CPAP: variants seen among roughly 807,000 people sequenced by gnomAD.
CPAP encodes the protein centrosomal P4.1-associated protein.
At chr13:24,885,230 A>G in the CPAP span, 1 of 1,261,820 alleles carries the variant, frequency 7.9e-7, no homozygotes, top group East Asian at 2.3e-5. Context: ...ATTTTAACCC[A>G]TGTTTATTTT....
At chr13:24,885,724 T>A in the CPAP span, 1 of 1,242,630 alleles carries the variant, frequency 8.0e-7, no homozygotes, top group East Asian at 2.4e-5. Flanking sequence ...GAAAATTTTA[T>A]TAGTATGATC....
the CPAP span, chr13:24,910,071 G>A: frequency 5.6e-6 from 9 of 1,612,630 alleles, no homozygotes; most frequent in East Asian, 2.0e-4. Context: ...CTGATCATCA[G>A]GCAGTAAACT....
the CPAP span, among the ~76,000 whole-genome samples, chr13:24,917,544 A>G: frequency 6.6e-6 from 1 of 152,204 alleles, no homozygotes; most frequent in East Asian, 1.9e-4. Flanking sequence ...GCAAAGAAAC[A>G]TGTCTGCAAT....
At chr13:24,908,167 T>G in the CPAP span, 30 of 1,361,750 alleles carry the variant, frequency 2.2e-5, no homozygotes, top group African/African-American at 5.7e-5. Flanking sequence ...AAGAAAAGCA[T>G]ATTAATGTCT....
the CPAP span, among the ~76,000 whole-genome samples, chr13:24,893,587 C>T: frequency 6.6e-6 from 1 of 152,174 alleles, no homozygotes; most frequent in Non-Finnish European, 1.5e-5. Flanking sequence ...AGGGTGTGGA[C>T]TTTGGATTGG....
At chr13:24,905,132 A>C in the CPAP span, among the ~76,000 whole-genome samples, 1 of 152,234 alleles carries the variant, frequency 6.6e-6, no homozygotes, top group Non-Finnish European at 1.5e-5. Context: ...GGAAACGTAG[A>C]AGCTTTGATG....
the CPAP span, among the ~76,000 whole-genome samples, chr13:24,916,792 T>C: frequency 6.6e-6 from 1 of 152,150 alleles, no homozygotes; most frequent in East Asian, 1.9e-4. Context: ...AAAGTAAATG[T>C]CCATTAACAG....
At chr13:24,933,368 A>C in the CPAP span, 4 of 401,576 alleles carry the variant, frequency 1.0e-5, no homozygotes, top group African/African-American at 4.0e-5. Flanking sequence ...CCACATGTCC[A>C]GTGAGGCAGG....
the CPAP span, among the ~76,000 whole-genome samples, chr13:24,932,354 G>C: frequency 1.3e-5 from 2 of 152,238 alleles, no homozygotes; most frequent in African/African-American, 4.8e-5. Context: ...GTGGGCGCCT[G>C]TAATCCCAGC....
At chr13:24,912,790 T>C in the CPAP span, 3 of 1,614,208 alleles carry the variant, frequency 1.9e-6, no homozygotes, top group Non-Finnish European at 2.5e-6. Flanking sequence ...TGACTCCAAC[T>C]TCTGTTCTTC....
At chr13:24,886,211 T>C in the CPAP span, 2 of 784,140 alleles carry the variant, frequency 2.6e-6, no homozygotes, top group Admixed American at 4.7e-5. Flanking sequence ...TATGTGCCAA[T>C]GGATCATATT....
At chr13:24,898,833 A>G in the CPAP span, among the ~76,000 whole-genome samples, 1 of 152,374 alleles carries the variant, frequency 6.6e-6, no homozygotes, top group African/African-American at 2.4e-5. Context: ...TTCTCTTTTG[A>G]TAAGTCTCAA....
chr13:24,892,885 C>CA, the CPAP span: 1 of 832,088 alleles, frequency 1.2e-6, no homozygotes, highest in Non-Finnish European at 1.8e-6. Context: ...AAAAAAAAAA[C>CA]AAAAAGAAAA....
chr13:24,930,462 C>T, the CPAP span, among the ~76,000 whole-genome samples: 1 of 152,074 alleles, frequency 6.6e-6, no homozygotes, highest in African/African-American at 2.4e-5. Context: ...TGCCCTTTTC[C>T]CTCCCTCCCT....
the CPAP span, chr13:24,889,409 T>C: frequency 6.4e-7 from 1 of 1,563,430 alleles, no homozygotes; most frequent in Non-Finnish European, 8.8e-7. Context: ...TTCTATAGTA[T>C]AAGAGATAAT....
the CPAP span, among the ~76,000 whole-genome samples, chr13:24,917,147 AG>A: frequency 1.3e-5 from 2 of 152,230 alleles, no homozygotes; most frequent in East Asian, 3.9e-4. Flanking sequence ...CTACTCGGGG[AG>A]GCTGAGGCAG....
the CPAP span, among the ~76,000 whole-genome samples, chr13:24,901,955 T>G: frequency 8.6e-4 from 131 of 152,246 alleles, no homozygotes; most frequent in Non-Finnish European, 1.6e-4. Context: ...TGTACCATTG[T>G]ACTCCAGTCT....
chr13:24,887,212 A>C, the CPAP span, among the ~76,000 whole-genome samples: 1 of 152,238 alleles, frequency 6.6e-6, no homozygotes, highest in Admixed American at 6.5e-5. Flanking sequence ...TATAAAGAGC[A>C]AAAAGACAAG....
the CPAP span, chr13:24,913,134 T>G: frequency 1.1e-6 from 1 of 913,774 alleles, no homozygotes; most frequent in South Asian, 1.5e-5. Context: ...GGTAAAGCCA[T>G]TAGATGTCCT....
Sources: gnomAD v4.1 joint callset for allele counts (sites outside exome capture counted in the v4.1 genomes callset) on GRCh38, gnomAD v4.1.1 for gene constraint, MANE v1.5 for transcripts, NCBI Gene and HGNC (gene_info 2026-07-23, HGNC 2026-07-21) for gene names.